IQANK1: variants seen among roughly 807,000 people sequenced by gnomAD.
IQANK1 encodes IQ motif and ankyrin repeat containing 1.
A neutral mutation model predicts 22.6 loss-of-function variants in IQANK1; 30 were observed. The observed-to-expected ratio is 1.33, with a 90% CI of 0.99 to 1.80. IQANK1 has a LOEUF of 1.80. Among genes scored for constraint, IQANK1 ranks in the 40% most tolerant of loss-of-function variants. The probability of loss-of-function intolerance (pLI) is 0.00; values close to 1 mark genes in which losing one functional copy is unlikely to be tolerated. For missense variants in IQANK1, 275 were observed against 235.2 expected, an observed-to-expected ratio of 1.17 and a Z score of -1.11; for synonymous variants, 122 against 99.6, an observed-to-expected ratio of 1.23 and a Z score of -1.34.
In IQANK1 at chr8:143,739,934, C is replaced by T. The variant is rs1366958987; in HGVS notation, c.161C>T (p.Pro54Leu). The change falls in exon 3 of 14, where the codon CCA (proline) becomes CTA (leucine). Residue 54 changes from proline (P) to leucine (L), a missense_variant. Physicochemically the swap from Pro to Leu is moderately conservative, Grantham distance 98. Coordinates refer to ENST00000527139, the MANE Select transcript of IQANK1 (RefSeq NM_001381874.1). ...AGGGAGCCCGCGTCGGCTGAGAGCC[C>T]ACAGGCCCCCACAGGTGAGAGCCCG... ...QAREPASAES[P>L]QAPTGPAEDR... 5 of 697,828 alleles carry T rather than the reference C, an allele frequency of 7.2e-6. No homozygotes were observed. Among genetic ancestry groups the T allele is most frequent in the Admixed American group, 4.0e-5 (2 of 49,574 alleles). The allele number at this position is 697,828 out of a possible 1,614,324, so 43.2% of individuals were successfully genotyped here.
rs1554625466 is a variant in IQANK1, at chr8:143,735,103, T to G, written c.-4-747T>G. Reference sequence around the variant, plus strand: ...TCTGTTTTCAGGGTCAGTCCCAGTTTCATTTGTTCTTTCCCCAAACACTCA... The same window carrying G: ...TCTGTTTTCAGGGTCAGTCCCAGTTGCATTTGTTCTTTCCCCAAACACTCA... On this transcript the variant is annotated intron_variant, in intron 1 of 13. Transcript: ENST00000527139. The surrounding 1 kb of genome is among the most constrained non-coding windows in gnomAD (Gnocchi z 5.2). Among the ~76,000 whole-genome samples the G allele has an allele frequency of 6.6e-6, 1 of 152,220 alleles. No individual in the cohort carries two copies. The highest frequency in any genetic ancestry group is 1.5e-5 in the Non-Finnish European group (1 of 68,048).
rs557850584 is a variant in IQANK1, at chr8:143,789,310, C to T, written c.993+67C>T. 10 of 436,646 alleles carry T rather than the reference C, an allele frequency of 2.3e-5. No homozygotes were observed. The South Asian group carries it at 3.5e-4, about 15-fold the overall frequency. 27.0% of individuals were successfully genotyped at this position (436,646 alleles called of 1,614,324 possible). ...GAGCCGGGTGGGGAGGAGGGGGAGC[C>T]GAGGGAGGGCCAGGAAGCTGGGGGA... On this transcript the variant is annotated intron_variant, in intron 9 of 13. Coordinates refer to ENST00000527139, the MANE Select transcript of IQANK1 (RefSeq NM_001381874.1).
intron 7 of IQANK1, among the ~76,000 whole-genome samples, chr8:143,782,593 G>C (rs1330894808): frequency 6.6e-6 from 1 of 152,016 alleles, no homozygotes; most frequent in Non-Finnish European, 1.5e-5. Context: ...CAGTTCTCCT[G>C]CCTCGGCCTC....
At chr8:143,744,443 AAG>A (rs1818989146) in intron 3 of IQANK1, 1 of 152,258 alleles carries the variant, frequency 6.6e-6, no homozygotes, top group Non-Finnish European at 1.5e-5. Flanking sequence ...ATTGAGAAGA[AAG>A]AATTTGCCAA....
At chr8:143,786,801 A>AG (rs1819897520) in intron 7 of IQANK1, among the ~76,000 whole-genome samples, 1 of 152,122 alleles carries the variant, frequency 6.6e-6, no homozygotes, top group Non-Finnish European at 1.5e-5. Context: ...GAGAACTTGG[A>AG]GGGGAGGGAA....
At chr8:143,775,229 T>C (rs956087756) in intron 7 of IQANK1, among the ~76,000 whole-genome samples, 8 of 151,970 alleles carry the variant, frequency 5.3e-5, no homozygotes, top group East Asian at 1.9e-4. Flanking sequence ...GAAGTCATCA[T>C]TGGGGGAGCT....
chr8:143,749,201 AATATATCAT>A (rs1554627714), intron 3 of IQANK1, among the ~76,000 whole-genome samples: 1 of 123,090 alleles, frequency 8.1e-6, no homozygotes, highest in South Asian at 2.3e-4. Context: ...ATCATATATA[AATATATCAT>A]ATATATCATA....
intron 3 of IQANK1, among the ~76,000 whole-genome samples, chr8:143,749,533 A>C (rs1563770933): frequency 7.1e-6 from 1 of 139,922 alleles, no homozygotes; most frequent in Non-Finnish European, 1.5e-5. Context: ...ATCACATAAA[A>C]ATATATGATA....
At position 143,789,990 on chromosome 8, in the gene IQANK1, G is replaced by C; in HGVS notation, c.1215G>C (p.Gly405=). 1 of 1,232,074 alleles carries C rather than the reference G, an allele frequency of 8.1e-7. No homozygotes were observed. The highest frequency in any genetic ancestry group is 1.0e-6 in the Non-Finnish European group (1 of 988,028). 76.3% of individuals were successfully genotyped at this position (1,232,074 alleles called of 1,614,324 possible). A position where few individuals can be genotyped will look rare whatever the true frequency, so the allele number is the denominator to read the frequency against. ...CGACAGGGGAGGAAGAGGCGCCTGG[G>C]CTGAAGTGCCAGGTCACCGAGCTGC... ...QTQEGEEEAP[G]LKCQVTELHD... The change falls in exon 12 of 14, where the codon GGG becomes GGC. Residue 405 remains glycine (G), a synonymous_variant. Transcript: ENST00000527139.
chr8:143,747,652 AAG>A (rs1819057077), intron 3 of IQANK1, among the ~76,000 whole-genome samples: 1 of 151,986 alleles, frequency 6.6e-6, no homozygotes. Context: ...TTTTTTAAAA[AAG>A]AGTATATTGT....
chr8:143,767,640 T>A (rs899058046), intron 3 of IQANK1, among the ~76,000 whole-genome samples: 4 of 152,002 alleles, frequency 2.6e-5, no homozygotes, highest in Admixed American at 2.6e-4. Context: ...GGATGCCATA[T>A]TGCATTTATT....
chr8:143,753,259 C>T (rs1161166804), intron 3 of IQANK1, among the ~76,000 whole-genome samples: 3 of 152,068 alleles, frequency 2.0e-5, no homozygotes, highest in Non-Finnish European at 4.4e-5. Context: ...AGTGGCCCAC[C>T]TGCCTCAGCC....
intron 3 of IQANK1, among the ~76,000 whole-genome samples, chr8:143,751,662 G>GTATATATATATATA (rs1187068578): frequency 1.3e-3 from 69 of 54,296 alleles, no homozygotes; most frequent in Non-Finnish European, 2.5e-3. Context: ...GTGTGTGTGT[G>GTATATATATATATA]TGTATATATA....
chr8:143,747,210 A>G (rs1338928354), intron 3 of IQANK1, among the ~76,000 whole-genome samples: 1 of 152,158 alleles, frequency 6.6e-6, no homozygotes, highest in African/African-American at 2.4e-5. Flanking sequence ...ATCAGTAGTA[A>G]TGTTCCCACT....
intron 7 of IQANK1, among the ~76,000 whole-genome samples, chr8:143,787,758 TC>T (rs1401151461): frequency 6.6e-6 from 1 of 151,778 alleles, no homozygotes; most frequent in Non-Finnish European, 1.5e-5. Flanking sequence ...CCCACCTCCT[TC>T]CCCTCATCCT....
chr8:143,742,412 G>T (rs891879757), intron 3 of IQANK1: 2 of 456,052 alleles, frequency 4.4e-6, no homozygotes, highest in Non-Finnish European at 8.8e-6. Flanking sequence ...CCTTTCCTCT[G>T]CATTGGTGCC....
At position 143,790,022 on chromosome 8, in the gene IQANK1, T is replaced by C. The variant is rs1433474060; in HGVS notation, c.1247T>C (p.Val416Ala). 5 of 1,231,926 alleles carry C rather than the reference T, an allele frequency of 4.1e-6. No homozygotes were observed. The highest frequency in any genetic ancestry group is 5.1e-6 in the Non-Finnish European group (5 of 988,008). The allele number at this position is 1,231,926 out of a possible 1,614,324, so 76.3% of individuals were successfully genotyped here. ...LKCQVTELHD[V>A]LMKDVGNRIR... ...TGCCAGGTCACCGAGCTGCACGATG[T>C]GCTGATGAAAGATGTAGGCAACCGC... Residue 416 changes from valine to alanine, a missense_variant, in exon 12 of 14, where the codon GTG becomes GCG. Coordinates refer to ENST00000527139, the MANE Select transcript of IQANK1 (RefSeq NM_001381874.1).
chr8:143,743,842 TTTTC>T, intron 3 of IQANK1: 1 of 432,514 alleles, frequency 2.3e-6, no homozygotes, highest in South Asian at 1.7e-5. Flanking sequence ...ATTGGATTCT[TTTTC>T]TTTTTTTTTT....
At chr8:143,739,135 A>G (rs1818825525) in intron 2 of IQANK1, among the ~76,000 whole-genome samples, 1 of 152,178 alleles carries the variant, frequency 6.6e-6, no homozygotes, top group African/African-American at 2.4e-5. Flanking sequence ...ACTGCACTGC[A>G]ACAAGGGCCT....
Sources: allele counts gnomAD v4.1 joint callset (sites outside exome capture counted in the v4.1 genomes callset), GRCh38; gene constraint gnomAD v4.1.1; non-coding constraint Gnocchi (gnomAD v3.1); transcripts MANE v1.5; gene names NCBI Gene and HGNC (gene_info 2026-07-23, HGNC 2026-07-21).